The following AUTS2 variants were observed in gnomAD, a reference collection of about 807,000 sequenced individuals.
The protein encoded by AUTS2 is activator of transcription and developmental regulator AUTS2.
In AUTS2, 17 loss-of-function variants were observed where a neutral mutation model predicts 112.4. That is an observed-to-expected ratio of 0.15 (90% CI 0.10 to 0.23). AUTS2 has a LOEUF of 0.23. Among genes scored for constraint, AUTS2 ranks in the 10% least tolerant of loss-of-function variants. The pLI, the probability that AUTS2 is intolerant of heterozygous loss-of-function variation, is 1.00. For synonymous variants in AUTS2, 751 were observed against 702.7 expected (o/e 1.07, Z -1.09); for missense variants, 1,510 against 1,701.6 (o/e 0.89, Z 1.98).
At chr7:69,767,889 A>G (rs1788498193) in intron 1 of AUTS2, among the ~76,000 whole-genome samples, 1 of 152,176 alleles carries the variant, frequency 6.6e-6, no homozygotes, top group South Asian at 2.1e-4. Flanking sequence ...ACTTTGTGAA[A>G]CTTCCTCAGA....
chr7:69,872,240 T>G (rs890233069), intron 1 of AUTS2, among the ~76,000 whole-genome samples: 2 of 152,202 alleles, frequency 1.3e-5, no homozygotes, highest in Non-Finnish European at 2.9e-5. Flanking sequence ...ATGCCCTGTG[T>G]TTTCACACTG....
chr7:70,255,626 T>A (rs967480415), intron 4 of AUTS2, among the ~76,000 whole-genome samples: 1 of 152,212 alleles, frequency 6.6e-6, no homozygotes, highest in African/African-American at 2.4e-5. Context: ...GACGGTTTCA[T>A]AGTAATATCC....
chr7:70,102,115 C>CTTTTTTTT (rs537710268), intron 2 of AUTS2, among the ~76,000 whole-genome samples: 1 of 127,164 alleles, frequency 7.9e-6, no homozygotes, highest in Non-Finnish European at 1.7e-5. Context: ...GCAGTGTTTA[C>CTTTTTTTT]TTTTTTTTTT....
chr7:70,391,446 G>C (rs986708592), intron 4 of AUTS2, among the ~76,000 whole-genome samples: 3 of 152,244 alleles, frequency 2.0e-5, no homozygotes, highest in African/African-American at 7.2e-5. Context: ...AAAACTCACC[G>C]CAGAAGTCCC....
chr7:70,670,302 C>T (rs186969147), intron 5 of AUTS2, among the ~76,000 whole-genome samples: 6 of 152,288 alleles, frequency 3.9e-5, no homozygotes, highest in Admixed American at 3.9e-4. Flanking sequence ...GTTATTACTT[C>T]CTTTCTTTCT....
chr7:69,926,724 C>T lies in AUTS2; in HGVS notation c.522+27226C>T, dbSNP rs1021414902. ...TCCCATATTAGCTACAATTATTTTCCTCTTTTTTTTGTGGTTGCATTAGGG... is the reference window on the plus strand; with the variant it reads ...TCCCATATTAGCTACAATTATTTTCTTCTTTTTTTTGTGGTTGCATTAGGG... On this transcript the variant is annotated intron_variant, in intron 2 of 18. Transcript: ENST00000342771. Among the ~76,000 whole-genome samples, 3 of 148,406 alleles carry T rather than the reference C, an allele frequency of 2.0e-5. No individual in the cohort carries two copies. In the Admixed American group the frequency reaches 2.0e-4, roughly 10 times the overall value.
chr7:69,972,864 T>C (rs1228558221), intron 2 of AUTS2, among the ~76,000 whole-genome samples: 1 of 152,182 alleles, frequency 6.6e-6, no homozygotes, highest in Non-Finnish European at 1.5e-5. Context: ...TCTGTTCCTC[T>C]ACCAAGATCA....
At chr7:70,483,079 G>C (rs1452775649) in intron 5 of AUTS2, among the ~76,000 whole-genome samples, 1 of 152,130 alleles carries the variant, frequency 6.6e-6, no homozygotes, top group African/African-American at 2.4e-5. Flanking sequence ...AGAAGGGTTG[G>C]AGATCAAGCT....
At chr7:69,853,239 A>T (rs955261619) in intron 1 of AUTS2, among the ~76,000 whole-genome samples, 2 of 152,184 alleles carry the variant, frequency 1.3e-5, no homozygotes, top group Admixed American at 1.3e-4. Context: ...GGGGCATTTT[A>T]GTCTCCAACT....
At chr7:69,987,207 A>G (rs1798547325) in intron 2 of AUTS2, among the ~76,000 whole-genome samples, 1 of 152,308 alleles carries the variant, frequency 6.6e-6, no homozygotes, top group East Asian at 1.9e-4. Context: ...ATCGTAGGAC[A>G]TTGGATCCAT....
At chr7:69,955,811 G>C (rs779486775) in intron 2 of AUTS2, among the ~76,000 whole-genome samples, 2 of 152,062 alleles carry the variant, frequency 1.3e-5, no homozygotes, top group Admixed American at 6.6e-5. Context: ...GGACTCCCTA[G>C]CTCGACACAC....
chr7:69,627,682 T>G (rs1794022591), intron 1 of AUTS2, among the ~76,000 whole-genome samples: 1 of 152,054 alleles, frequency 6.6e-6, no homozygotes, highest in South Asian at 2.1e-4. Context: ...GAGAGCATGG[T>G]TATGAAGATG....
intron 4 of AUTS2, among the ~76,000 whole-genome samples, chr7:70,266,852 T>C (rs532536373): frequency 1.3e-5 from 2 of 152,364 alleles, no homozygotes; most frequent in East Asian, 3.9e-4. Flanking sequence ...TTTTTTCCTT[T>C]GACTTAACGA....
intron 1 of AUTS2, among the ~76,000 whole-genome samples, chr7:69,777,249 C>T (rs1485364133): frequency 6.6e-6 from 1 of 152,126 alleles, no homozygotes; most frequent in African/African-American, 2.4e-5. Context: ...TAACCCTTAC[C>T]TTCTCCTCCA....
At chr7:70,606,864 A>G (rs972928921) in intron 5 of AUTS2, among the ~76,000 whole-genome samples, 6 of 87,350 alleles carry the variant, frequency 6.9e-5, no homozygotes, top group South Asian at 3.4e-4. Flanking sequence ...CTGTCTCAAG[A>G]AAAAAAAAAA....
intron 1 of AUTS2, among the ~76,000 whole-genome samples, chr7:69,859,599 C>T (rs1484658250): frequency 6.6e-6 from 1 of 152,156 alleles, no homozygotes; most frequent in Non-Finnish European, 1.5e-5. Context: ...TGGATGTTTG[C>T]TTTGTAGATT....
chr7:70,418,374 T>C (rs1278707039), intron 4 of AUTS2, among the ~76,000 whole-genome samples: 1 of 152,210 alleles, frequency 6.6e-6, no homozygotes, highest in East Asian at 1.9e-4. Flanking sequence ...TCTCACTTCA[T>C]ACCCACACAA....
chr7:70,613,862 C>T (rs1485625851), intron 5 of AUTS2, among the ~76,000 whole-genome samples: 3 of 152,218 alleles, frequency 2.0e-5, no homozygotes, highest in African/African-American at 7.2e-5. Flanking sequence ...CTTCAGTGTG[C>T]ACCTGCCTAC....
At chr7:69,949,396 T>C (rs2129545780) in intron 2 of AUTS2, among the ~76,000 whole-genome samples, 1 of 152,314 alleles carries the variant, frequency 6.6e-6, no homozygotes, top group African/African-American at 2.4e-5. Flanking sequence ...CAACCTGTCA[T>C]GTAGGTGCTA....
Sources: gnomAD v4.1 joint callset for allele counts (sites outside exome capture counted in the v4.1 genomes callset) on GRCh38, gnomAD v4.1.1 for gene constraint, MANE v1.5 for transcripts, NCBI Gene and HGNC (gene_info 2026-07-23, HGNC 2026-07-21) for gene names.